NR4A1: variants seen among roughly 807,000 people sequenced by gnomAD.
NR4A1 encodes the protein nuclear receptor subfamily 4immunitygroup A member 1.
A neutral mutation model predicts 47.5 loss-of-function variants in NR4A1; 24 were observed. The ratio of observed to expected loss-of-function variants is 0.50; its 90% confidence interval spans 0.37 to 0.71. The LOEUF is 0.71. Ranked by LOEUF, NR4A1 falls within the 30% of genes least tolerant of loss-of-function variation. The pLI is 0.00. For missense variants in NR4A1, 669 were observed against 788.6 expected (o/e 0.85, Z 1.82); for synonymous variants, 353 against 345.7 (o/e 1.02, Z -0.24).
intron 1 of NR4A1, among the ~76,000 whole-genome samples, chr12:52,028,135 G>C (rs1437051533): frequency 7.1e-6 from 1 of 141,014 alleles, no homozygotes; most frequent in Non-Finnish European, 1.5e-5. Context: ...CCAGGAGGTT[G>C]AGGCTGCAGT....
intron 1 of NR4A1, among the ~76,000 whole-genome samples, chr12:52,027,905 AATT>A (rs1938031301): frequency 6.6e-6 from 1 of 152,074 alleles, no homozygotes; most frequent in African/African-American, 2.4e-5. Flanking sequence ...ATATGTTAAG[AATT>A]ATTATTATGT....
intron 1 of NR4A1, chr12:52,038,082 T>A (rs1464007636): frequency 1.3e-5 from 13 of 982,588 alleles, no homozygotes; most frequent in Non-Finnish European, 1.4e-5. Flanking sequence ...CTTTTTTTTT[T>A]GAGATGGAGT....
chr12:52,054,598 G>A lies in NR4A1; in HGVS notation c.270G>A (p.Ser90=), dbSNP rs1340461519. 1.9e-6 allele frequency: 3 copies of A among 1,614,070 alleles called. No individual in the cohort carries two copies. Among genetic ancestry groups the A allele is most frequent in the Non-Finnish European group, 2.5e-6 (3 of 1,180,004 alleles). Residue 90 remains serine, a synonymous_variant, in exon 2 of 7, where the codon TCG becomes TCA. Coordinates refer to ENST00000394825, the MANE Select transcript of NR4A1 (RefSeq NM_173157.3). ...CCTCCTCGGCCTCCTCCACATCCTC[G>A]TCCTCAGCCACCTCCCCTGCCTCTG... ...SASSSASSTS[S]SSATSPASAS...
At chr12:52,032,967 T>C (rs900966431) in intron 1 of NR4A1, among the ~76,000 whole-genome samples, 1 of 152,216 alleles carries the variant, frequency 6.6e-6, no homozygotes, top group Admixed American at 6.5e-5. Context: ...TCTATTCGCC[T>C]GCAGCAGACC....
In NR4A1 at chr12:52,035,123, G is replaced by A. The variant is rs1046319228; in HGVS notation, c.-83-6687G>A. On this transcript the variant is annotated intron_variant, in intron 1 of 7. Coordinates refer to the NR4A1 transcript ENST00000360284. ...GGAGGAGAACTAACTCTGAGTGCCT[G>A]CTGTGTACAAGGTACCTCCACATCT... is the stretch of plus-strand genomic sequence containing the variant. Among the ~76,000 whole-genome samples, 5 of 152,302 alleles carry A rather than the reference G, an allele frequency of 3.3e-5. No homozygotes were observed. In the East Asian group the frequency reaches 9.6e-4, roughly 29 times the overall value.
At chr12:52,044,096 T>C (rs1009162840) in intron 2 of NR4A1, among the ~76,000 whole-genome samples, 1 of 152,192 alleles carries the variant, frequency 6.6e-6, no homozygotes, top group Non-Finnish European at 1.5e-5. Context: ...TTGTGAACGC[T>C]GTGACTGAGA....
chr12:52,037,220 G>A (rs1240361138), intron 1 of NR4A1: 2 of 282,430 alleles, frequency 7.1e-6, no homozygotes, highest in South Asian at 1.2e-4. Context: ...AACTGCGGGC[G>A]GGGGGCTTCC....
rs886918952 is a variant in NR4A1 at position 52,056,406 on chromosome 12, G to A, written c.1007-88G>A. On this transcript the variant is annotated intron_variant, in intron 3 of 6. Transcript: ENST00000394825. ...CTCTGGGTCCTAGGGACTCGGTGGG[G>A]CGCGTCTCAGCAGTGGTGTGCACGG... 5.9e-6 allele frequency: 9 copies of A among 1,531,636 alleles called. No homozygotes were observed. The South Asian group carries it at 8.4e-5, about 14-fold the overall frequency. 94.9% of individuals were successfully genotyped at this position (1,531,636 alleles called of 1,614,324 possible).
intron 1 of NR4A1, among the ~76,000 whole-genome samples, chr12:52,027,658 G>A: frequency 6.6e-6 from 1 of 152,208 alleles, no homozygotes; most frequent in East Asian, 1.9e-4. Context: ...CGTGGGGGCT[G>A]CAGGTGTCAT....
intron 1 of NR4A1, among the ~76,000 whole-genome samples, chr12:52,041,281 T>C (rs1938425011): frequency 6.6e-6 from 1 of 152,078 alleles, no homozygotes; most frequent in Non-Finnish European, 1.5e-5. Flanking sequence ...AGAGATTATG[T>C]AATTTGCCCA....
At position 52,059,001 on chromosome 12, in the gene NR4A1, T is replaced by G. The variant is rs1939425232; in HGVS notation, c.*57T>G. The G allele has an allele frequency of 6.4e-7, 1 of 1,552,940 alleles. No individual in the cohort carries two copies. The stretch of plus-strand genomic sequence containing the variant: ...ACTCTCATATGCCACCCCATGTGCC[T>G]TTAGTCCACGGACCCCCAGAGCACC... On this transcript the variant is annotated 3_prime_UTR_variant, in exon 7 of 7. Transcript: ENST00000394825.
At chr12:52,030,941 A>G (rs1938111686) in intron 1 of NR4A1, among the ~76,000 whole-genome samples, 1 of 152,050 alleles carries the variant, frequency 6.6e-6, no homozygotes, top group Non-Finnish European at 1.5e-5. Flanking sequence ...TGCTCTAACA[A>G]GCTGGCACTC....
upstream of NR4A1, chr12:52,051,361 C>A (rs1454030740): frequency 1.0e-6 from 1 of 984,214 alleles, no homozygotes; most frequent in Non-Finnish European, 1.2e-6. Flanking sequence ...CAAAGCTCGA[C>A]GGGCGGCCTG....
chr12:52,033,190 C>T (rs769686509), intron 1 of NR4A1, among the ~76,000 whole-genome samples: 9 of 152,168 alleles, frequency 5.9e-5, no homozygotes, highest in East Asian at 1.9e-4. Context: ...CCCAGCCCGG[C>T]CGCCCCCGGG....
intron 1 of NR4A1, among the ~76,000 whole-genome samples, chr12:52,023,929 C>T (rs1200339513): frequency 1.3e-5 from 2 of 152,240 alleles, no homozygotes; most frequent in African/African-American, 4.8e-5. Context: ...GGCTCCTGGA[C>T]CCCCCTGGAC....
rs1040074632 is a variant in NR4A1 at position 52,037,604 on chromosome 12, C to T, written c.-83-4206C>T. The T allele has an allele frequency of 3.5e-5, 34 of 985,360 alleles. No homozygotes were observed. The African/African-American group carries it at 4.5e-4, about 13-fold the overall frequency. 61.0% of individuals were successfully genotyped at this position (985,360 alleles called of 1,614,324 possible). On this transcript the variant is annotated intron_variant, in intron 1 of 7. Transcript: ENST00000360284. ...GGATTCCCAGCGGAACCGCTGGCTC[C>T]GAGTCAGCCCCCAAGGGCGACGGCC...
At chr12:52,041,291 A>G (rs1938425255) in intron 1 of NR4A1, among the ~76,000 whole-genome samples, 1 of 152,130 alleles carries the variant, frequency 6.6e-6, no homozygotes. Context: ...TAATTTGCCC[A>G]AGGTGATAAG....
At chr12:52,041,375 T>C (rs902661343) in intron 1 of NR4A1, among the ~76,000 whole-genome samples, 3 of 152,092 alleles carry the variant, frequency 2.0e-5, no homozygotes, top group Non-Finnish European at 4.4e-5. Flanking sequence ...GTGGAGCCCC[T>C]GTCTCTTGGG....
rs767040142 is a variant in NR4A1 at position 52,054,927 on chromosome 12, C to G, written c.599C>G (p.Pro200Arg). Residue 200 changes from proline to arginine, a missense_variant, in exon 2 of 7, where the codon CCC (proline) becomes CGC (arginine). Pro to Arg is a moderately radical substitution (Grantham distance 103). Coordinates refer to ENST00000394825, the MANE Select transcript of NR4A1 (RefSeq NM_173157.3). ...TTCAGTCCTCCCACCGGCCCCAGCC[C>G]CAGCCTGGCCCAGAGCCCCCTGAAG... is the stretch of plus-strand genomic sequence containing the variant. ...FSFSPPTGPS[P>R]SLAQSPLKLF... 1.9e-6 allele frequency: 3 copies of G among 1,614,194 alleles called. No individual in the cohort carries two copies. In the Admixed American group the frequency reaches 5.0e-5, roughly 27 times the overall value.
Sources: allele counts gnomAD v4.1 joint callset (sites outside exome capture counted in the v4.1 genomes callset), GRCh38; gene constraint gnomAD v4.1.1; transcripts MANE v1.5; gene names NCBI Gene and HGNC (gene_info 2026-07-23, HGNC 2026-07-21).